Variants in MSI1 observed in about 807,000 individuals in gnomAD.
MSI1 encodes the protein musashi RNA binding protein 1, also known as RNA-binding protein Musashi homolog 1.
MSI1 carries 15 observed loss-of-function variants against 54.4 expected under a neutral mutation model. The observed-to-expected ratio is 0.28, with a 90% confidence interval of 0.18 to 0.42. The LOEUF (loss-of-function observed/expected upper bound fraction) is 0.42, where lower values mean the gene tolerates loss of function less well. Ranked by LOEUF, MSI1 falls within the 20% of genes least tolerant of loss-of-function variation. The pLI is 1.00. For missense variants in MSI1, 304 were observed against 506.0 expected (o/e 0.60, Z 3.83); for synonymous variants, 200 against 196.5 (o/e 1.02, Z -0.15).
At chr12:120,367,347 C>A (rs895941720) in intron 4 of MSI1, among the ~76,000 whole-genome samples, 2 of 152,282 alleles carry the variant, frequency 1.3e-5, no homozygotes, top group Non-Finnish European at 2.9e-5. Context: ...GTCTAAGACA[C>A]GAAGGAGCTG....
At chr12:120,343,616 T>A (rs1018673348) in intron 14 of MSI1, among the ~76,000 whole-genome samples, 2 of 152,206 alleles carry the variant, frequency 1.3e-5, no homozygotes, top group African/African-American at 2.4e-5. Context: ...CAGAGATACC[T>A]TCTCTAAACC....
At position 120,368,855 on chromosome 12, in the gene MSI1, TC is replaced by T. The variant is rs1490523146; in HGVS notation, c.77del (p.Gly26AspfsTer21). On this transcript the variant is annotated frameshift_variant, in exon 2 of 15. Coordinates refer to ENST00000257552, the MANE Select transcript of MSI1 (RefSeq NM_002442.4). LOFTEE classifies it high-confidence loss of function. This position sits in a 1 kb window ranked among gnomAD's most constrained non-coding sequence, Gnocchi z 6.6. ...PHDPCKMFIG[G>X]LSWQTTQEGL... ...CACCCTGCGTAGTCTGCCAACTGAG[TC>T]CCCCGATGAACATCTTGCTGCGGGA... 1 of 1,461,306 alleles carries T rather than the reference TC, an allele frequency of 6.8e-7. No homozygotes were observed. Among genetic ancestry groups the T allele is most frequent in the Non-Finnish European group, 9.1e-7 (1 of 1,096,858 alleles). The allele number at this position is 1,461,306 out of a possible 1,614,324, so 90.5% of individuals were successfully genotyped here. A position where few individuals can be genotyped will look rare whatever the true frequency, so the allele number is the denominator to read the frequency against.
chr12:120,364,679 G>A, intron 5 of MSI1, 35 bp downstream of exon 5: 4 of 1,562,932 alleles, frequency 2.6e-6, no homozygotes, highest in Middle Eastern at 1.7e-4. Flanking sequence ...ATTGCCCATA[G>A]TAAGAGAGCT....
At chr12:120,340,138 G>A (rs543643627), downstream of MSI1, among the ~76,000 whole-genome samples, 2 of 150,678 alleles carry the variant, frequency 1.3e-5, no homozygotes, top group African/African-American at 4.9e-5. Context: ...CCAGGCTGGA[G>A]TGCAGTGGCG....
chr12:120,367,292 C>A (rs767179298), intron 4 of MSI1, among the ~76,000 whole-genome samples: 21 of 152,270 alleles, frequency 1.4e-4, no homozygotes, highest in Non-Finnish European at 2.9e-4. Context: ...CCTCCTCTGA[C>A]TTTTCTACTT....
chr12:120,369,077 C>A lies in MSI1; in HGVS notation c.15G>T (p.Ala5=). 7.8e-6 allele frequency: 8 copies of A among 1,020,224 alleles called. No homozygotes were observed. Among genetic ancestry groups the A allele is most frequent in the Non-Finnish European group, 9.3e-6 (8 of 856,810 alleles). The allele number at this position is 1,020,224 out of a possible 1,614,324, so 63.2% of individuals were successfully genotyped here. The change falls in exon 1 of 15, where the codon GCG becomes GCT. Residue 5 remains alanine (A), a synonymous_variant. Transcript: ENST00000257552. ...CCGGGGAGGCGAGGCCGGGCTGGGG[C>A]GCGTCAGTCTCCATCGGGAGCCGCG... is the stretch of plus-strand genomic sequence containing the variant. METD[A]PQPGLASPDS...
intron 11 of MSI1, among the ~76,000 whole-genome samples, chr12:120,348,473 G>A (rs1489462401): frequency 3.3e-5 from 5 of 152,022 alleles, no homozygotes; most frequent in African/African-American, 4.8e-5. Context: ...CCACTCAGGC[G>A]GCCCCTTGTC....
intron 10 of MSI1, 147 bp from the exon 11 acceptor site, chr12:120,351,547 T>G: frequency 1.5e-6 from 1 of 669,358 alleles, no homozygotes; most frequent in Non-Finnish European, 2.5e-6. Flanking sequence ...AGAGCACAGT[T>G]CCCAGAAGGC....
intron 11 of MSI1, among the ~76,000 whole-genome samples, chr12:120,349,359 A>C (rs1874410850): frequency 6.6e-6 from 1 of 152,078 alleles, no homozygotes. Context: ...TCAGGTTCCC[A>C]AAGTGCTGGG....
chr12:120,348,666 C>G (rs1874348073), intron 11 of MSI1, among the ~76,000 whole-genome samples: 1 of 151,908 alleles, frequency 6.6e-6, no homozygotes, highest in Admixed American at 6.6e-5. Context: ...GGCGGATCAC[C>G]TGAAGTCGGG....
At chr12:120,361,871 C>T (rs1045033558) in intron 6 of MSI1, among the ~76,000 whole-genome samples, 2 of 151,922 alleles carry the variant, frequency 1.3e-5, no homozygotes, top group African/African-American at 4.8e-5. Flanking sequence ...CGGCCGCTGA[C>T]GGCTTCTCCT....
chr12:120,344,129 T>G (rs1873919098), intron 14 of MSI1, among the ~76,000 whole-genome samples: 1 of 152,232 alleles, frequency 6.6e-6, no homozygotes, highest in Non-Finnish European at 1.5e-5. Flanking sequence ...GTGCTGGGAT[T>G]ATAGGCGTGA....
At chr12:120,358,896 A>C (rs1875383270) in intron 7 of MSI1, 109 bp downstream of exon 7, 3 of 1,290,392 alleles carry the variant, frequency 2.3e-6, no homozygotes, top group Non-Finnish European at 3.3e-6. Context: ...GAGGACGCAG[A>C]TCCTGGGGGA....
At position 120,368,715 on chromosome 12, in the gene MSI1, G is replaced by T; in HGVS notation, c.100+118C>A. 1.0e-6 allele frequency: 1 copy of T among 962,906 alleles called. No individual in the cohort carries two copies. Among genetic ancestry groups the T allele is most frequent in the Non-Finnish European group, 1.3e-6 (1 of 749,080 alleles). 59.6% of individuals were successfully genotyped at this position (962,906 alleles called of 1,614,324 possible). On this transcript the variant is annotated intron_variant, in intron 2 of 14. Coordinates refer to ENST00000257552, the MANE Select transcript of MSI1 (RefSeq NM_002442.4). This position sits in a 1 kb window ranked among gnomAD's most constrained non-coding sequence, Gnocchi z 6.6. The stretch of plus-strand genomic sequence containing the variant: ...GGGTCTCCGGGCGGGGCGCGAAAGA[G>T]GGCGCGAGGGCGCCCGGGGTCAGCA...
At position 120,356,896 on chromosome 12, in the gene MSI1, G is replaced by C. The variant is rs370653775; in HGVS notation, c.652+6C>G. 1 of 1,612,278 alleles carries C rather than the reference G, an allele frequency of 6.2e-7. No homozygotes were observed. The highest frequency in any genetic ancestry group is 8.5e-7 in the Non-Finnish European group (1 of 1,178,974). ...AAAGAAGCCGCAGGCGCAGGCTCGC[G>C]CATACCCAGCATGCCGATGCCCAGC... On this transcript the variant is annotated splice_donor_region_variant and intron_variant, in intron 9 of 14. Transcript: ENST00000257552.
chr12:120,363,836 C>T (rs1417909983), intron 5 of MSI1, among the ~76,000 whole-genome samples: 1 of 152,184 alleles, frequency 6.6e-6, no homozygotes, highest in Non-Finnish European at 1.5e-5. Flanking sequence ...CTCCTTCAGC[C>T]CTGGCAGGAG....
In MSI1 at chr12:120,368,136, G is replaced by C; in HGVS notation, c.183-44C>G. 6.3e-7 allele frequency: 1 copy of C among 1,596,712 alleles called. No individual in the cohort carries two copies. The highest frequency in any genetic ancestry group is 8.5e-7 in the Non-Finnish European group (1 of 1,171,542). The stretch of plus-strand genomic sequence containing the variant: ...GAGAGGCAGATGGTTACAAGGCAGT[G>C]AGTGGCGGGTGGAGGGGGGCGAGCC... On this transcript the variant is annotated intron_variant, in intron 3 of 14. Coordinates refer to ENST00000257552, the MANE Select transcript of MSI1 (RefSeq NM_002442.4). The surrounding 1 kb of genome is among the most constrained non-coding windows in gnomAD (Gnocchi z 6.6).
chr12:120,343,599 C>A (rs1873870005), intron 14 of MSI1, among the ~76,000 whole-genome samples: 1 of 152,122 alleles, frequency 6.6e-6, no homozygotes, highest in Non-Finnish European at 1.5e-5. Context: ...TTTAAATGTC[C>A]CCTTCTCAGA....
chr12:120,350,776 G>C (rs748828366), intron 11 of MSI1, among the ~76,000 whole-genome samples: 2 of 152,226 alleles, frequency 1.3e-5, no homozygotes, highest in Non-Finnish European at 2.9e-5. Flanking sequence ...CAAAGGGCTG[G>C]ATTCGGCCCT....
Sources: gnomAD v4.1 joint callset for allele counts (sites outside exome capture counted in the v4.1 genomes callset) on GRCh38, gnomAD v4.1.1 for gene constraint, Gnocchi (gnomAD v3.1) non-coding constraint, MANE v1.5 for transcripts, NCBI Gene and HGNC (gene_info 2026-07-23, HGNC 2026-07-21) for gene names.